Variants in RNF32 observed in about 807,000 individuals in gnomAD.
RNF32 encodes the protein ring finger protein 32.
Under a neutral mutation model 41.0 loss-of-function variants are expected in RNF32, and 36 were observed. The ratio of observed to expected loss-of-function variants is 0.88; its 90% CI spans 0.67 to 1.16. The LOEUF (loss-of-function observed/expected upper bound fraction) is 1.16. Ranked by LOEUF, RNF32 falls within the 50% of genes most tolerant of loss-of-function variation. The pLI, the probability that RNF32 is intolerant of heterozygous loss-of-function variation, is 0.00. For missense variants in RNF32, 413 were observed against 436.7 expected (o/e 0.95, Z 0.48); for synonymous variants, 154 against 160.9 (o/e 0.96, Z 0.32).
At chr7:156,673,641 A>G (rs558675097) in intron 7 of RNF32, among the ~76,000 whole-genome samples, 2 of 152,244 alleles carry the variant, frequency 1.3e-5, no homozygotes, top group South Asian at 4.2e-4. Context: ...CCTTCATTCA[A>G]ACCCCAACCC....
chr7:156,646,383 TCTCTGC>T, intron 3 of RNF32: 3 of 1,295,714 alleles, frequency 2.3e-6, no homozygotes, highest in Non-Finnish European at 3.1e-6. Context: ...GTCACTCCAA[TCTCTGC>T]CTCTGACTTC....
chr7:156,640,589 G>A (rs957806483), upstream of RNF32: 2 of 412,388 alleles, frequency 4.8e-6, no homozygotes, highest in South Asian at 1.7e-5. Context: ...AGCATGCGCA[G>A]TGTGGTGTGG....
chr7:156,653,577 A>G (rs1261836697), intron 3 of RNF32, among the ~76,000 whole-genome samples: 1 of 152,114 alleles, frequency 6.6e-6, no homozygotes, highest in African/African-American at 2.4e-5. Flanking sequence ...TTTGTCTTCC[A>G]TTTCTGAAGA....
chr7:156,656,924 T>G (rs1259439780), intron 4 of RNF32, among the ~76,000 whole-genome samples: 3 of 152,226 alleles, frequency 2.0e-5, no homozygotes, highest in Non-Finnish European at 2.9e-5. Context: ...ACCCACTGCC[T>G]TCTTCTTCAT....
chr7:156,657,714 G>A (rs1799941171), intron 5 of RNF32, 141 bp downstream of exon 5: 1 of 791,160 alleles, frequency 1.3e-6, no homozygotes, highest in Non-Finnish European at 2.2e-6. Flanking sequence ...AAACATGACT[G>A]TAGGCTGCAG....
At chr7:156,667,267 C>T (rs1351361802) in intron 7 of RNF32, among the ~76,000 whole-genome samples, 3 of 152,174 alleles carry the variant, frequency 2.0e-5, no homozygotes, top group African/African-American at 7.2e-5. Context: ...AAGCAATTTG[C>T]TGACATCAAG....
In RNF32 at chr7:156,654,611, C is replaced by T; in HGVS notation, c.310C>T (p.Pro104Ser). ...KLGLIGPPPPPLSSDEWEKVK... is the reference protein window; with the variant it reads ...KLGLIGPPPPSLSSDEWEKVK... ...GGGCCTCATTGGGCCTCCACCACCTCCACTGTCATCAGATGAATGGGAGAA... is the reference window on the plus strand; with the variant it reads ...GGGCCTCATTGGGCCTCCACCACCTTCACTGTCATCAGATGAATGGGAGAA... The change falls in exon 4 of 9, where the codon CCA becomes TCA. Residue 104 changes from proline to serine, a missense_variant. Physicochemically the swap from Pro to Ser is moderately conservative, Grantham distance 74. Coordinates refer to ENST00000317955, the MANE Select transcript of RNF32 (RefSeq NM_030936.4). 1 of 1,614,182 alleles carries T rather than the reference C, an allele frequency of 6.2e-7. No individual in the cohort carries two copies. Among genetic ancestry groups the T allele is most frequent in the Non-Finnish European group, 8.5e-7 (1 of 1,179,994 alleles).
intron 3 of RNF32, among the ~76,000 whole-genome samples, chr7:156,651,675 A>T (rs1284569361): frequency 6.6e-6 from 1 of 152,164 alleles, no homozygotes; most frequent in African/African-American, 2.4e-5. Context: ...CAATTCCGTG[A>T]CTTCACTCAC....
At chr7:156,655,262 CAG>C (rs377371393) in intron 4 of RNF32, among the ~76,000 whole-genome samples, 20 of 146,234 alleles carry the variant, frequency 1.4e-4, no homozygotes, top group Non-Finnish European at 2.5e-4. Context: ...CACACACACA[CAG>C]AGAGAGAGAG....
At chr7:156,671,869 C>T (rs760750945) in intron 7 of RNF32, among the ~76,000 whole-genome samples, 3 of 151,934 alleles carry the variant, frequency 2.0e-5, no homozygotes, top group Non-Finnish European at 4.4e-5. Flanking sequence ...AACTATCTCA[C>T]GTTTGAAAAT....
intron 7 of RNF32, among the ~76,000 whole-genome samples, chr7:156,672,249 G>A (rs1000575566): frequency 9.9e-5 from 15 of 152,226 alleles, no homozygotes; most frequent in African/African-American, 2.2e-4. Flanking sequence ...TACTATGGTC[G>A]GTGCGTGTAC....
intron 3 of RNF32, among the ~76,000 whole-genome samples, chr7:156,646,232 G>T (rs1214099270): frequency 6.6e-6 from 1 of 152,176 alleles, no homozygotes; most frequent in Admixed American, 6.5e-5. Context: ...GTACAAACTG[G>T]GTGGGTTAAA....
intron 7 of RNF32, among the ~76,000 whole-genome samples, chr7:156,661,617 T>C (rs77410489): frequency 0.018 from 2,807 of 152,230 alleles, 88 homozygotes; most frequent in African/African-American, 0.065. Flanking sequence ...CACCATGGCC[T>C]GGCCAGGATT....
chr7:156,668,931 A>C (rs923283665), intron 7 of RNF32: 5 of 152,268 alleles, frequency 3.3e-5, no homozygotes, highest in African/African-American at 7.2e-5. Flanking sequence ...CCACCATTAC[A>C]TATAAAGGGA....
At chr7:156,663,522 C>A (rs1244663633) in intron 7 of RNF32, among the ~76,000 whole-genome samples, 1 of 152,068 alleles carries the variant, frequency 6.6e-6, no homozygotes, top group Non-Finnish European at 1.5e-5. Context: ...TGTCCACTTA[C>A]TTTATATAAA....
intron 7 of RNF32, among the ~76,000 whole-genome samples, chr7:156,667,007 C>T (rs1475873778): frequency 6.6e-6 from 1 of 152,156 alleles, no homozygotes; most frequent in Non-Finnish European, 1.5e-5. Context: ...CCCTCCAGCA[C>T]AAGATTTCTC....
intron 2 of RNF32, 39 bp from the exon 3 acceptor site, chr7:156,644,460 T>A: frequency 6.7e-7 from 1 of 1,501,088 alleles, no homozygotes; most frequent in Non-Finnish European, 9.2e-7. Flanking sequence ...ATATATTACA[T>A]AATACTCCTC....
chr7:156,646,132 CTAAT>C (rs756883300), intron 3 of RNF32, among the ~76,000 whole-genome samples: 5 of 152,174 alleles, frequency 3.3e-5, no homozygotes, highest in Non-Finnish European at 7.3e-5. Flanking sequence ...TCCATTTCTT[CTAAT>C]TAATAAAAGG....
At chr7:156,647,660 T>C (rs1798146702) in intron 3 of RNF32, among the ~76,000 whole-genome samples, 1 of 152,236 alleles carries the variant, frequency 6.6e-6, no homozygotes, top group Non-Finnish European at 1.5e-5. Context: ...CATGCATCTT[T>C]TTCATATAAT....
Sources: allele counts gnomAD v4.1 joint callset (sites outside exome capture counted in the v4.1 genomes callset), GRCh38; gene constraint gnomAD v4.1.1; transcripts MANE v1.5; gene names NCBI Gene and HGNC (gene_info 2026-07-23, HGNC 2026-07-21).